TUB: variants seen among roughly 807,000 people sequenced by gnomAD.
The protein encoded by TUB is TUB bipartite transcription factor.
In TUB, 33 loss-of-function variants were observed where a neutral mutation model predicts 59.7. That is an observed-to-expected ratio of 0.55 (90% CI 0.42 to 0.74). The LOEUF (loss-of-function observed/expected upper bound fraction) is 0.74, where lower values mean the gene tolerates loss of function less well. TUB is among the 30% of genes least tolerant of loss of function. TUB has a pLI of 0.00. For missense variants in TUB, 659 were observed against 672.0 expected (o/e 0.98, Z 0.21); for synonymous variants, 293 against 256.4 (o/e 1.14, Z -1.36).
At chr11:8,040,595 AT>A (rs967902587) in intron 2 of TUB, among the ~76,000 whole-genome samples, 3 of 152,262 alleles carry the variant, frequency 2.0e-5, no homozygotes, top group African/African-American at 7.2e-5. Context: ...TTTTTTACAC[AT>A]GGCCTCAAAC....
intron 1 of TUB, among the ~76,000 whole-genome samples, chr11:8,020,599 A>G (rs1322597208): frequency 1.3e-5 from 2 of 152,154 alleles, no homozygotes; most frequent in African/African-American, 4.8e-5. Flanking sequence ...CAACTGATCC[A>G]CGTCTGTTTT....
intron 2 of TUB, among the ~76,000 whole-genome samples, chr11:8,054,691 A>C (rs1457720847): frequency 6.6e-6 from 1 of 152,232 alleles, no homozygotes; most frequent in Non-Finnish European, 1.5e-5. Flanking sequence ...GCATGCATGC[A>C]CACATGGTCT....
intron 2 of TUB, among the ~76,000 whole-genome samples, chr11:8,063,244 T>C (rs907940719): frequency 6.6e-6 from 1 of 152,240 alleles, no homozygotes; most frequent in African/African-American, 2.4e-5. Context: ...CAAGGACAGT[T>C]ATGAAATCTC....
chr11:8,101,120 G>C, intron 11 of TUB, 123 bp downstream of exon 11: 2 of 1,195,374 alleles, frequency 1.7e-6, no homozygotes, highest in Non-Finnish European at 2.3e-6. Flanking sequence ...ATACAGCTAA[G>C]GTTAGATGTA....
upstream of TUB, among the ~76,000 whole-genome samples, chr11:8,036,546 A>G (rs2133721809): frequency 6.6e-6 from 1 of 152,360 alleles, no homozygotes; most frequent in East Asian, 1.9e-4. Flanking sequence ...GGACAGAACT[A>G]GGACTGAAGG....
chr11:8,092,217 G>C (rs1943799498), intron 3 of TUB, among the ~76,000 whole-genome samples: 1 of 152,170 alleles, frequency 6.6e-6, no homozygotes. Context: ...CAAGGCAGGA[G>C]GATTGCTTGA....
chr11:8,027,770 C>A (rs1294746624), intron 1 of TUB, among the ~76,000 whole-genome samples: 1 of 152,236 alleles, frequency 6.6e-6, no homozygotes, highest in Non-Finnish European at 1.5e-5. Flanking sequence ...CCATCTCAGC[C>A]TCCCCAGGTG....
intron 2 of TUB, among the ~76,000 whole-genome samples, chr11:8,050,385 T>G (rs1942914717): frequency 6.6e-6 from 1 of 152,218 alleles, no homozygotes; most frequent in Non-Finnish European, 1.5e-5. Context: ...TCCATTCTAG[T>G]GGATGCTGCC....
At chr11:8,072,081 C>G (rs1170860773) in intron 2 of TUB, among the ~76,000 whole-genome samples, 1 of 152,198 alleles carries the variant, frequency 6.6e-6, no homozygotes, top group Admixed American at 6.5e-5. Flanking sequence ...GACAGCTCAG[C>G]AGACACAGAG....
At chr11:8,090,389 G>T (rs1442708141) in intron 3 of TUB, among the ~76,000 whole-genome samples, 158 bp downstream of exon 3, 2 of 152,240 alleles carry the variant, frequency 1.3e-5, no homozygotes, top group Admixed American at 1.3e-4. Flanking sequence ...GCAGAGGGAA[G>T]GTGGACCTGT....
chr11:8,038,778 A>C (rs1485594505), exon 1 of TUB: 1 of 1,535,744 alleles, frequency 6.5e-7, no homozygotes, highest in Non-Finnish European at 8.7e-7. Flanking sequence ...TGGTTTCAGT[A>C]CTGAGGCGAA....
chr11:8,101,438 C>T, intron 11 of TUB, 48 bp from the exon 12 acceptor site: 1 of 1,607,896 alleles, frequency 6.2e-7, no homozygotes. Flanking sequence ...CTGGCTCTAC[C>T]ATTCCTGTCC....
upstream of TUB, chr11:8,038,535 G>C: frequency 1.0e-6 from 1 of 963,666 alleles, no homozygotes. Context: ...GTCTCTGCCT[G>C]GGTTGCTATA....
chr11:8,020,627 C>G (rs1270010993), intron 1 of TUB, among the ~76,000 whole-genome samples: 1 of 152,162 alleles, frequency 6.6e-6, no homozygotes, highest in African/African-American at 2.4e-5. Flanking sequence ...TCATTGCCTT[C>G]TTTGGGGAAA....
upstream of TUB, among the ~76,000 whole-genome samples, chr11:8,080,136 C>G (rs1055130451): frequency 2.0e-5 from 3 of 152,220 alleles, no homozygotes; most frequent in African/African-American, 7.2e-5. Flanking sequence ...CTCACACTCT[C>G]TGCGGGGCAG....
intron 1 of TUB, among the ~76,000 whole-genome samples, chr11:8,031,700 G>A (rs191420075): frequency 8.6e-4 from 131 of 152,356 alleles, no homozygotes; most frequent in Middle Eastern, 6.8e-3. Context: ...GGACCAGTCC[G>A]AGCTGGCCAT....
At chr11:8,043,043 T>G (rs1749092424) in intron 2 of TUB, among the ~76,000 whole-genome samples, 1 of 152,238 alleles carries the variant, frequency 6.6e-6, no homozygotes. Flanking sequence ...CTATGTTTTC[T>G]TCTAAGAGCT....
intron 1 of TUB, among the ~76,000 whole-genome samples, chr11:8,086,773 G>T (rs1943676254): frequency 6.6e-6 from 1 of 152,156 alleles, no homozygotes; most frequent in African/African-American, 2.4e-5. Flanking sequence ...CTTTCCTTCT[G>T]TGTGCTTGCA....
rs1240445804 is a variant in TUB, at chr11:8,105,567, G to GTGAT, written c.*3950_*3953dup. The GTGAT allele has an allele frequency of 6.6e-6, 1 of 152,194 alleles. No individual in the cohort carries two copies. The highest frequency in any genetic ancestry group is 2.4e-5 in the African/African-American group (1 of 41,430). 9.4% of individuals were successfully genotyped at this position (152,194 alleles called of 1,614,324 possible). Reference sequence around the variant, plus strand: ...AAGCACTACTGCACTTAGTAGCTATGTGATTTTGAGCAAACCACATAATCT... The same window carrying GTGAT: ...AAGCACTACTGCACTTAGTAGCTATGTGATTGATTTTGAGCAAACCACATAATCT... On this transcript the variant is annotated 3_prime_UTR_variant, in exon 12 of 12. Transcript: ENST00000299506.
Sources: gnomAD v4.1 joint callset for allele counts (sites outside exome capture counted in the v4.1 genomes callset) on GRCh38, gnomAD v4.1.1 for gene constraint, MANE v1.5 for transcripts, NCBI Gene and HGNC (gene_info 2026-07-23, HGNC 2026-07-21) for gene names.